Variants in XDH observed in about 807,000 individuals in gnomAD.
XDH encodes xanthine dehydrogenase.
XDH carries 138 observed loss-of-function variants against 156.1 expected under a neutral mutation model. The ratio of observed to expected loss-of-function variants is 0.88; its 90% CI spans 0.77 to 1.02. The LOEUF is 1.02. XDH is among the 50% of genes least tolerant of loss of function. The pLI, the probability that XDH is intolerant of heterozygous loss-of-function variation, is 0.00. For missense variants in XDH, 1,849 were observed against 1,684.9 expected (o/e 1.10, Z -1.71); for synonymous variants, 669 against 625.7 (o/e 1.07, Z -1.03).
intron 17 of XDH, among the ~76,000 whole-genome samples, chr2:31,371,675 T>C (rs551273240): frequency 6.6e-6 from 1 of 152,088 alleles, no homozygotes; most frequent in African/African-American, 2.4e-5. Context: ...TAAACACTTT[T>C]TTTTTTGTTT....
rs770863901 is a variant in XDH, at chr2:31,382,993, C to T, written c.1038+8G>A. The stretch of plus-strand genomic sequence containing the variant: ...TACGGGCCTCGCTTGCTTCTGAGAG[C>T]GACTCACCGCCACAGACTTGACTTG... On this transcript the variant is annotated splice_region_variant and intron_variant, in intron 11 of 35. Transcript: ENST00000379416. 4.0e-5 allele frequency: 65 copies of T among 1,613,978 alleles called. No individual in the cohort carries two copies. The highest frequency in any genetic ancestry group is 4.9e-5 in the Non-Finnish European group (58 of 1,180,012).
intron 16 of XDH, among the ~76,000 whole-genome samples, chr2:31,373,381 T>C (rs1191842844): frequency 6.6e-6 from 1 of 152,220 alleles, no homozygotes; most frequent in East Asian, 1.9e-4. Flanking sequence ...CACTCATTCA[T>C]TCCTGTTTTT....
chr2:31,402,518 G>C (rs1196463013), intron 3 of XDH, among the ~76,000 whole-genome samples: 1 of 152,214 alleles, frequency 6.6e-6, no homozygotes, highest in Non-Finnish European at 1.5e-5. Context: ...GATCCAGGAT[G>C]GCTTCCTGGA....
chr2:31,383,332 T>C (rs1032813799), intron 10 of XDH, among the ~76,000 whole-genome samples, 180 bp from the exon 11 acceptor site: 1 of 152,202 alleles, frequency 6.6e-6, no homozygotes, highest in African/African-American at 2.4e-5. Context: ...GCCACACAGC[T>C]AATAAAAGAG....
At chr2:31,388,609 C>A (rs1416659301) in intron 6 of XDH, among the ~76,000 whole-genome samples, 1 of 152,228 alleles carries the variant, frequency 6.6e-6, no homozygotes, top group Non-Finnish European at 1.5e-5. Flanking sequence ...TTCTCTTCTT[C>A]AGTGCTGCTT....
chr2:31,383,331 C>G (rs961135154), intron 10 of XDH, among the ~76,000 whole-genome samples, 179 bp from the exon 11 acceptor site: 8 of 152,118 alleles, frequency 5.3e-5, no homozygotes, highest in Non-Finnish European at 1.0e-4. Context: ...TGCCACACAG[C>G]TAATAAAAGA....
intron 1 of XDH, among the ~76,000 whole-genome samples, chr2:31,410,302 T>A (rs1687306191): frequency 6.6e-6 from 1 of 152,210 alleles, no homozygotes; most frequent in African/African-American, 2.4e-5. Context: ...TGGACGGTGA[T>A]GATGGTTGCC....
chr2:31,370,326 T>G (rs1686038019), intron 18 of XDH, 29 bp downstream of exon 18: 2 of 1,612,552 alleles, frequency 1.2e-6, no homozygotes, highest in East Asian at 2.2e-5. Context: ...TTATTCAATT[T>G]ACTTCATATA....
chr2:31,362,969 G>C (rs1168494774), intron 24 of XDH, among the ~76,000 whole-genome samples: 1 of 152,218 alleles, frequency 6.6e-6, no homozygotes, highest in East Asian at 1.9e-4. Flanking sequence ...ATATCCCTAT[G>C]ATGGAATATT....
intron 11 of XDH, 67 bp downstream of exon 11, chr2:31,382,934 C>G: frequency 6.2e-7 from 1 of 1,609,958 alleles, no homozygotes; most frequent in Non-Finnish European, 8.5e-7. Context: ...CAGTGAGAGT[C>G]TGGCTGCCCT....
intron 3 of XDH, 62 bp from the exon 4 acceptor site, chr2:31,401,390 A>G: frequency 6.4e-7 from 1 of 1,564,466 alleles, no homozygotes; most frequent in Non-Finnish European, 8.8e-7. Context: ...AATGGGCCTG[A>G]CTGTGAGCTC....
At chr2:31,407,490 A>T (rs532207552) in intron 1 of XDH, among the ~76,000 whole-genome samples, 1 of 152,178 alleles carries the variant, frequency 6.6e-6, no homozygotes, top group African/African-American at 2.4e-5. Flanking sequence ...GACTTCCCCA[A>T]ACTGGAGGCT....
At chr2:31,397,970 C>T (rs1686954869) in intron 5 of XDH, among the ~76,000 whole-genome samples, 1 of 152,212 alleles carries the variant, frequency 6.6e-6, no homozygotes, top group Non-Finnish European at 1.5e-5. Context: ...AGGTACCTCT[C>T]CTAAGTGCTC....
chr2:31,349,978 T>TC (rs1685417969), intron 25 of XDH, 54 bp downstream of exon 25: 4 of 1,612,064 alleles, frequency 2.5e-6, no homozygotes, highest in Non-Finnish European at 3.4e-6. Flanking sequence ...AAAGCCGCTG[T>TC]CCCCCGAAGT....
intron 17 of XDH, among the ~76,000 whole-genome samples, chr2:31,371,359 T>C (rs1210143148): frequency 1.3e-5 from 2 of 152,150 alleles, no homozygotes; most frequent in East Asian, 3.9e-4. Context: ...TCAAGGAAGT[T>C]AGGTAGTTTT....
intron 1 of XDH, among the ~76,000 whole-genome samples, chr2:31,408,001 C>T (rs206805): frequency 0.22 from 32,919 of 151,998 alleles, 3,896 homozygotes; most frequent in Middle Eastern, 0.3. Context: ...TCATTTCTCC[C>T]GTACTGCAGT....
intron 28 of XDH, 73 bp from the exon 29 acceptor site, chr2:31,347,723 G>C (rs541819127): frequency 1.2e-5 from 18 of 1,564,598 alleles, no homozygotes; most frequent in Non-Finnish European, 1.4e-5. Flanking sequence ...CCCCAAGACA[G>C]GATTCACATT....
Position 31,383,130 on chromosome 2 carries a change from G to A in XDH, c.909C>T (p.Cys303=), listed in dbSNP as rs546005420. Residue 303 remains cysteine, a synonymous_variant, in exon 11 of 36, where the codon TGC becomes TGT. Coordinates refer to ENST00000379416, the MANE Select transcript of XDH (RefSeq NM_000379.4). ...GPDGISFGAA[C]PLSIVEKTLV... ...GGGTTTTTTCCACAATGCTCAGGGG[G>A]CAAGCAGCTCCAAAGGAGATACCTG... 9.3e-6 allele frequency: 15 copies of A among 1,614,176 alleles called. No individual in the cohort carries two copies. The East Asian group carries it at 2.5e-4, about 26-fold the overall frequency.
chr2:31,346,714 C>T (rs1351086374), intron 30 of XDH, 55 bp downstream of exon 30: 4 of 1,605,152 alleles, frequency 2.5e-6, no homozygotes, highest in African/African-American at 2.7e-5. Context: ...AACGGAGGCC[C>T]TGCTGTCAAT....
Sources: allele counts gnomAD v4.1 joint callset (sites outside exome capture counted in the v4.1 genomes callset), GRCh38; gene constraint gnomAD v4.1.1; transcripts MANE v1.5; gene names NCBI Gene and HGNC (gene_info 2026-07-23, HGNC 2026-07-21).